ERG: variants seen among roughly 807,000 people sequenced by gnomAD.
ERG encodes the protein transcriptional regulator ERG.
A neutral mutation model predicts 55.3 loss-of-function variants in ERG; 9 were observed. That is an observed-to-expected ratio of 0.16 (90% CI 0.10 to 0.28). The LOEUF is 0.28. Ranked by LOEUF, ERG falls within the 10% of genes least tolerant of loss-of-function variation. The pLI, the probability that ERG is intolerant of heterozygous loss-of-function variation, is 1.00. For synonymous variants in ERG, 223 were observed against 237.3 expected, an observed-to-expected ratio of 0.94 and a Z score of 0.55; for missense variants, 434 against 631.6, an observed-to-expected ratio of 0.69 and a Z score of 3.35.
chr21:38,512,725 A>T (rs1478227116), intron 2 of ERG, among the ~76,000 whole-genome samples: 1 of 152,206 alleles, frequency 6.6e-6, no homozygotes, highest in African/African-American at 2.4e-5. Context: ...AACAGTTGAG[A>T]AAATTTAGGA....
intron 2 of ERG, among the ~76,000 whole-genome samples, chr21:38,564,257 T>C (rs1332183977): frequency 6.6e-6 from 1 of 151,602 alleles, no homozygotes; most frequent in South Asian, 2.1e-4. Context: ...AAACAAGCTA[T>C]ACAGAATACT....
intron 3 of ERG, among the ~76,000 whole-genome samples, chr21:38,416,149 C>T (rs546016231): frequency 6.6e-6 from 1 of 152,320 alleles, no homozygotes; most frequent in South Asian, 2.1e-4. Flanking sequence ...CCCTTCTTTA[C>T]ATGAAATCAG....
chr21:38,438,248 C>CT (rs2058809107), intron 2 of ERG, among the ~76,000 whole-genome samples: 1 of 152,230 alleles, frequency 6.6e-6, no homozygotes, highest in Non-Finnish European at 1.5e-5. Flanking sequence ...CGCTTCACGT[C>CT]TTTATTTTTC....
At chr21:38,586,578 G>A (rs185907314), upstream of ERG, among the ~76,000 whole-genome samples, 369 of 152,194 alleles carry the variant, frequency 2.4e-3, 1 homozygote, top group African/African-American at 8.1e-3. Context: ...GTGTTGGTGG[G>A]GATGTGGAAA....
intron 2 of ERG, among the ~76,000 whole-genome samples, chr21:38,573,387 C>T (rs1298349856): frequency 1.3e-5 from 2 of 152,180 alleles, no homozygotes; most frequent in Non-Finnish European, 2.9e-5. Flanking sequence ...CCTGTCTGCC[C>T]CTGGGAACTG....
At position 38,491,304 on chromosome 21, in the gene ERG, T is replaced by C. The variant is rs569304277; in HGVS notation, c.18+7059A>G. ...GGCTGACGATCTGAATGAATGGCCT[T>C]GGGGGGAATGTGAATGTGGAGGTAG... is the stretch of plus-strand genomic sequence containing the variant. On this transcript the variant is annotated intron_variant, in intron 1 of 9. Coordinates refer to ENST00000288319, the MANE Select transcript of ERG (RefSeq NM_182918.4). Among the ~76,000 whole-genome samples, 4 of 151,498 alleles carry C rather than the reference T, an allele frequency of 2.6e-5. No individual in the cohort carries two copies. In the East Asian group the frequency reaches 7.8e-4, roughly 29 times the overall value.
intron 1 of ERG, among the ~76,000 whole-genome samples, chr21:38,610,701 C>CCTACGG (rs2060221815): frequency 6.6e-6 from 1 of 152,170 alleles, no homozygotes; most frequent in African/African-American, 2.4e-5. Context: ...AGAAAGGAAA[C>CCTACGG]CTACGGAGTA....
chr21:38,468,751 C>T lies in ERG; in HGVS notation c.19-23130G>A, dbSNP rs140318244. 3.0e-4 allele frequency among the ~76,000 whole-genome samples: 46 copies of T among 151,968 alleles called. No individual in the cohort carries two copies. In the East Asian group the frequency reaches 5.6e-3, roughly 19 times the overall value. On this transcript the variant is annotated intron_variant, in intron 1 of 9. Transcript: ENST00000288319. ...CTGTAATCCCAGCACTTTGGGAGGCCGAGGCAGGCGGATCACGAGGTCAGG... is the reference window on the plus strand; with the variant it reads ...CTGTAATCCCAGCACTTTGGGAGGCTGAGGCAGGCGGATCACGAGGTCAGG...
chr21:38,550,219 TG>T (rs2059815360), intron 2 of ERG, among the ~76,000 whole-genome samples: 1 of 152,182 alleles, frequency 6.6e-6, no homozygotes. Context: ...GGTAACAGGC[TG>T]GCCCTGAGCT....
At chr21:38,551,365 T>C (rs2059823257) in intron 2 of ERG, among the ~76,000 whole-genome samples, 2 of 152,184 alleles carry the variant, frequency 1.3e-5, no homozygotes, top group Admixed American at 1.3e-4. Flanking sequence ...GCCCCGATTT[T>C]GGTTATTTCT....
At chr21:38,424,185 GAGCT>G (rs1358596448) in intron 2 of ERG, among the ~76,000 whole-genome samples, 7,922 of 58,414 alleles carry the variant, frequency 0.14, 304 homozygotes, top group Middle Eastern at 0.17. Flanking sequence ...ACCAGAGCTC[GAGCT>G]CTCTCTCTCT....
At chr21:38,625,154 A>T (rs1479424017) in intron 1 of ERG, among the ~76,000 whole-genome samples, 2 of 152,130 alleles carry the variant, frequency 1.3e-5, no homozygotes, top group African/African-American at 4.8e-5. Flanking sequence ...ACCATATGGC[A>T]TAAAGCTGTA....
intron 1 of ERG, among the ~76,000 whole-genome samples, chr21:38,654,075 G>A (rs2060504042): frequency 6.6e-6 from 1 of 152,202 alleles, no homozygotes; most frequent in Non-Finnish European, 1.5e-5. Flanking sequence ...GCCCTTGTGG[G>A]ACATTCTGTC....
At chr21:38,656,333 G>A (rs985294581) in intron 1 of ERG, among the ~76,000 whole-genome samples, 2 of 152,044 alleles carry the variant, frequency 1.3e-5, no homozygotes, top group Non-Finnish European at 2.9e-5. Context: ...CGTTCCCATT[G>A]CCAATTTCAA....
intron 1 of ERG, among the ~76,000 whole-genome samples, chr21:38,454,598 G>C (rs983971874): frequency 6.6e-6 from 1 of 152,082 alleles, no homozygotes; most frequent in Non-Finnish European, 1.5e-5. Flanking sequence ...CAGTTAAATG[G>C]GCCAAATAAT....
At chr21:38,562,685 G>A (rs1176819675) in intron 2 of ERG, among the ~76,000 whole-genome samples, 1 of 152,118 alleles carries the variant, frequency 6.6e-6, no homozygotes, top group African/African-American at 2.4e-5. Context: ...TGAGCTCAAG[G>A]AGCAACACAG....
chr21:38,480,099 G>A (rs1180506539), intron 1 of ERG, among the ~76,000 whole-genome samples: 1 of 152,142 alleles, frequency 6.6e-6, no homozygotes, highest in Non-Finnish European at 1.5e-5. Context: ...TGACTAACAG[G>A]CAGGTAGCAT....
intron 6 of ERG, among the ~76,000 whole-genome samples, chr21:38,394,390 T>C (rs2146436052): frequency 6.6e-6 from 1 of 151,772 alleles, no homozygotes; most frequent in South Asian, 2.1e-4. Flanking sequence ...TCTCGCTCTG[T>C]CCCCCAGGCT....
At chr21:38,648,605 C>T (rs2060470949) in intron 1 of ERG, among the ~76,000 whole-genome samples, 1 of 152,224 alleles carries the variant, frequency 6.6e-6, no homozygotes, top group Non-Finnish European at 1.5e-5. Flanking sequence ...CATCGCATCT[C>T]CCACGGCCTC....
Sources: gnomAD v4.1 joint callset for allele counts (sites outside exome capture counted in the v4.1 genomes callset) on GRCh38, gnomAD v4.1.1 for gene constraint, MANE v1.5 for transcripts, NCBI Gene and HGNC (gene_info 2026-07-23, HGNC 2026-07-21) for gene names.